TMEFF1: variants seen among roughly 807,000 people sequenced by gnomAD.
TMEFF1 encodes tomoregulin-1.
In TMEFF1, 20 loss-of-function variants were observed where a neutral mutation model predicts 47.5. The ratio of observed to expected loss-of-function variants is 0.42; its 90% CI spans 0.30 to 0.61. TMEFF1 has a LOEUF of 0.61. TMEFF1 is among the 20% of genes least tolerant of loss of function. TMEFF1 has a pLI of 0.19. For synonymous variants in TMEFF1, 162 were observed against 166.3 expected (o/e 0.97, Z 0.20); for missense variants, 411 against 471.1 (o/e 0.87, Z 1.18).
intron 4 of TMEFF1, 54 bp downstream of exon 4, chr9:100,513,387 C>G: frequency 7.2e-7 from 1 of 1,380,614 alleles, no homozygotes; most frequent in Non-Finnish European, 9.6e-7. Flanking sequence ...TTCTTTCTTT[C>G]TTTTTCTTTT....
At chr9:100,548,002 C>A in intron 6 of TMEFF1, 110 bp downstream of exon 6, 1 of 1,225,104 alleles carries the variant, frequency 8.2e-7, no homozygotes, top group Non-Finnish European at 1.0e-6. Context: ...ATCCTCGAAG[C>A]TTTATTTTTT....
intron 5 of TMEFF1, among the ~76,000 whole-genome samples, chr9:100,546,067 T>G (rs1460003131): frequency 6.6e-6 from 1 of 152,236 alleles, no homozygotes; most frequent in African/African-American, 2.4e-5. Flanking sequence ...CTGTTCCAAC[T>G]CGTGCCTATT....
chr9:100,497,910 G>T (rs72735148), intron 1 of TMEFF1, among the ~76,000 whole-genome samples: 6,691 of 151,772 alleles, frequency 0.044, 336 homozygotes, highest in South Asian at 0.22. Context: ...ACTACACTGG[G>T]ATGGTTTTTT....
At position 100,483,788 on chromosome 9, in the gene TMEFF1, G is replaced by GTTT. The variant is rs60258093; in HGVS notation, c.196+10056_196+10058dup. ...TTCTCTCTCTATCGTCTGTCTGTCT[G>GTTT]TTTTTTTTTTCCCCTGAACTTGGCT... On this transcript the variant is annotated intron_variant, in intron 1 of 9. Transcript: ENST00000374879. Among the ~76,000 whole-genome samples the GTTT allele has an allele frequency of 3.4e-5, 5 of 148,690 alleles. No homozygotes were observed. The East Asian group carries it at 5.9e-4, about 18-fold the overall frequency.
chr9:100,488,040 C>G (rs538478939), intron 1 of TMEFF1, among the ~76,000 whole-genome samples: 1 of 152,198 alleles, frequency 6.6e-6, no homozygotes, highest in South Asian at 2.1e-4. Context: ...CTTAGTGTTG[C>G]AGACACTAAG....
chr9:100,522,893 C>A (rs1019396207), intron 5 of TMEFF1, among the ~76,000 whole-genome samples: 1 of 152,228 alleles, frequency 6.6e-6, no homozygotes, highest in Non-Finnish European at 1.5e-5. Flanking sequence ...CGCCACCACA[C>A]CCAGCTAATT....
chr9:100,509,262 G>C, intron 3 of TMEFF1, 128 bp downstream of exon 3: 1 of 1,285,836 alleles, frequency 7.8e-7, no homozygotes, highest in East Asian at 3.0e-5. Flanking sequence ...GCGGGGAGTA[G>C]GGGAAATCTT....
In TMEFF1 at chr9:100,577,070, C is replaced by T. The variant is rs776401242; in HGVS notation, c.*470C>T. On this transcript the variant is annotated 3_prime_UTR_variant, in exon 10 of 10. Coordinates refer to ENST00000374879, the MANE Select transcript of TMEFF1 (RefSeq NM_003692.5). ...AACTGATTTTTTAGACACTGCCTATCGCATGAACTGTAAAGCTGTGTGTAT... is the reference window on the plus strand; with the variant it reads ...AACTGATTTTTTAGACACTGCCTATTGCATGAACTGTAAAGCTGTGTGTAT... 1.9e-5 allele frequency: 3 copies of T among 153,886 alleles called. No individual in the cohort carries two copies. The highest frequency in any genetic ancestry group is 4.4e-5 in the Non-Finnish European group (3 of 68,874). 9.5% of individuals were successfully genotyped at this position (153,886 alleles called of 1,614,324 possible).
At chr9:100,549,082 C>T (rs925849228) in intron 6 of TMEFF1, among the ~76,000 whole-genome samples, 6 of 152,094 alleles carry the variant, frequency 3.9e-5, no homozygotes, top group African/African-American at 1.2e-4. Context: ...ATTAGTTCAT[C>T]CTCACGTTGC....
chr9:100,564,431 C>T (rs1250892900), intron 8 of TMEFF1, among the ~76,000 whole-genome samples: 4 of 152,178 alleles, frequency 2.6e-5, no homozygotes, highest in Non-Finnish European at 4.4e-5. Flanking sequence ...CAAATTCTCC[C>T]TGATATTGGG....
Position 100,473,487 on chromosome 9 carries a change from G to A in TMEFF1, c.-58G>A. On this transcript the variant is annotated 5_prime_UTR_variant, in exon 1 of 10. Coordinates refer to ENST00000374879, the MANE Select transcript of TMEFF1 (RefSeq NM_003692.5). This position sits in a 1 kb window ranked among gnomAD's most constrained non-coding sequence, Gnocchi z 5.4. The stretch of plus-strand genomic sequence containing the variant: ...GGCAGCGGCGGGGCTCTGGGCGCGC[G>A]GCTGGATGCCCCCGGCCTGCGGCTC... 7.9e-7 allele frequency: 1 copy of A among 1,266,454 alleles called. No individual in the cohort carries two copies. Among genetic ancestry groups the A allele is most frequent in the South Asian group, 2.7e-5 (1 of 37,536 alleles). The allele number at this position is 1,266,454 out of a possible 1,614,324, so 78.5% of individuals were successfully genotyped here. A position where few individuals can be genotyped will look rare whatever the true frequency, so the allele number is the denominator to read the frequency against.
chr9:100,508,546 A>G (rs371946736), intron 2 of TMEFF1, among the ~76,000 whole-genome samples: 17 of 151,972 alleles, frequency 1.1e-4, no homozygotes, highest in African/African-American at 3.1e-4. Context: ...AAGGTTTCCA[A>G]GAACAGAGAT....
chr9:100,556,880 C>G (rs934664718), intron 7 of TMEFF1, among the ~76,000 whole-genome samples: 2 of 152,050 alleles, frequency 1.3e-5, no homozygotes, highest in African/African-American at 4.8e-5. Flanking sequence ...CAGTCTCGCT[C>G]TGTCACCTAG....
In TMEFF1 at chr9:100,545,941, C is replaced by A. The variant is rs188659205; in HGVS notation, c.561-1803C>A. Among the ~76,000 whole-genome samples, 4 of 152,300 alleles carry A rather than the reference C, an allele frequency of 2.6e-5. No individual in the cohort carries two copies. In the East Asian group the frequency reaches 7.7e-4, roughly 29 times the overall value. ...GGTTCCTCATTTCCATCTGTGATCA[C>A]CTCAGCCTGGACTTTATTGTTTGTG... On this transcript the variant is annotated intron_variant, in intron 5 of 9. Transcript: ENST00000374879.
chr9:100,488,596 T>C (rs1447998117), intron 1 of TMEFF1, among the ~76,000 whole-genome samples: 2 of 152,240 alleles, frequency 1.3e-5, no homozygotes, highest in Admixed American at 1.3e-4. Flanking sequence ...TTACACTTAA[T>C]AGAGTACTTA....
Position 100,516,791 on chromosome 9 carries a change from G to T in TMEFF1, c.560+20G>T. On this transcript the variant is annotated intron_variant, in intron 5 of 9. Transcript: ENST00000374879. ...TGTTGGGTGAGTTGGTTGAGGGGAA[G>T]GGACAAAGTTATTTAGAGATTAATC... 6.2e-7 allele frequency: 1 copy of T among 1,609,656 alleles called. No homozygotes were observed. Among genetic ancestry groups the T allele is most frequent in the Admixed American group, 1.7e-5 (1 of 58,960 alleles).
At chr9:100,561,774 A>G (rs572764436) in intron 8 of TMEFF1, among the ~76,000 whole-genome samples, 51 of 152,290 alleles carry the variant, frequency 3.3e-4, no homozygotes, top group South Asian at 1.2e-3. Context: ...CAAAAAATAA[A>G]TGTGCCACAT....
At chr9:100,486,101 C>A (rs1837443470) in intron 1 of TMEFF1, among the ~76,000 whole-genome samples, 1 of 150,410 alleles carries the variant, frequency 6.6e-6, no homozygotes, top group African/African-American at 2.5e-5. Context: ...AGGGAAAAAA[C>A]CCACACCTTT....
chr9:100,573,172 A>T (rs1839280389), intron 9 of TMEFF1, among the ~76,000 whole-genome samples: 1 of 152,068 alleles, frequency 6.6e-6, no homozygotes, highest in Non-Finnish European at 1.5e-5. Flanking sequence ...TAGGAGATCC[A>T]TGCAGAAGAT....
Sources: allele counts gnomAD v4.1 joint callset (sites outside exome capture counted in the v4.1 genomes callset), GRCh38; gene constraint gnomAD v4.1.1; non-coding constraint Gnocchi (gnomAD v3.1); transcripts MANE v1.5; gene names NCBI Gene and HGNC (gene_info 2026-07-23, HGNC 2026-07-21).